The following DCLK1 variants were observed in gnomAD, a reference collection of about 807,000 sequenced individuals.
DCLK1 encodes doublecortin like kinase 1.
In DCLK1, 16 loss-of-function variants were observed where a neutral mutation model predicts 86.2. The observed-to-expected ratio is 0.19, with a 90% CI of 0.13 to 0.28. The LOEUF is 0.28. Among genes scored for constraint, DCLK1 ranks in the 10% least tolerant of loss-of-function variants. DCLK1 has a pLI of 1.00. For missense variants in DCLK1, 590 were observed against 940.2 expected (o/e 0.63, Z 4.87); for synonymous variants, 369 against 370.5 (o/e 1.00, Z 0.05).
chr13:35,886,514 A>C (rs1447365097), intron 4 of DCLK1, among the ~76,000 whole-genome samples: 1 of 152,196 alleles, frequency 6.6e-6, no homozygotes. Flanking sequence ...TTGCACAAGC[A>C]ATGCCACTTT....
intron 16 of DCLK1, among the ~76,000 whole-genome samples, chr13:35,789,309 C>G (rs990781095): frequency 1.3e-5 from 2 of 152,188 alleles, no homozygotes; most frequent in Non-Finnish European, 2.9e-5. Flanking sequence ...GGCATTTAAA[C>G]TAAAAACTGC....
chr13:35,829,824 C>T (rs1207094511), intron 8 of DCLK1, among the ~76,000 whole-genome samples: 1 of 152,146 alleles, frequency 6.6e-6, no homozygotes, highest in East Asian at 1.9e-4. Context: ...TGCAGATATG[C>T]GGCTGTCCAG....
chr13:35,817,370 T>C (rs959473177), intron 11 of DCLK1, among the ~76,000 whole-genome samples: 1 of 151,814 alleles, frequency 6.6e-6, no homozygotes, highest in African/African-American at 2.4e-5. Context: ...ATTCAGAGAG[T>C]AGAATTTTTT....
intron 4 of DCLK1, among the ~76,000 whole-genome samples, chr13:35,898,098 G>C (rs951656925): frequency 8.5e-5 from 13 of 152,102 alleles, no homozygotes; most frequent in Non-Finnish European, 1.6e-4. Flanking sequence ...TTTGAGTTTG[G>C]TTTTCTTTGA....
intron 5 of DCLK1, among the ~76,000 whole-genome samples, chr13:35,864,069 C>T (rs1187299412): frequency 6.6e-6 from 1 of 152,142 alleles, no homozygotes. Context: ...CGTTGCCGGT[C>T]CACTATAGAT....
chr13:36,029,135 G>A (rs544986010), intron 3 of DCLK1, among the ~76,000 whole-genome samples: 22 of 152,214 alleles, frequency 1.4e-4, no homozygotes, highest in East Asian at 3.9e-4. Flanking sequence ...ATTCTTGTGC[G>A]AGATTCAAGA....
At chr13:36,095,292 G>A (rs575776745) in intron 3 of DCLK1, among the ~76,000 whole-genome samples, 13 of 151,458 alleles carry the variant, frequency 8.6e-5, no homozygotes, top group Non-Finnish European at 1.6e-4. Context: ...TGCAACTTCC[G>A]CTTCCCAGGT....
chr13:35,872,956 G>GT (rs1344650349), intron 4 of DCLK1, among the ~76,000 whole-genome samples: 4 of 152,084 alleles, frequency 2.6e-5, no homozygotes, highest in African/African-American at 9.7e-5. Context: ...AATCAAAACT[G>GT]TTTTTCTAAA....
At chr13:36,116,142 A>C (rs1474327868) in intron 2 of DCLK1, among the ~76,000 whole-genome samples, 1 of 151,560 alleles carries the variant, frequency 6.6e-6, no homozygotes, top group Admixed American at 6.6e-5. Context: ...TAGAGACAGG[A>C]TTTCATCATG....
At chr13:35,806,761 C>T (rs1873199648) in intron 14 of DCLK1, among the ~76,000 whole-genome samples, 1 of 152,180 alleles carries the variant, frequency 6.6e-6, no homozygotes, top group Non-Finnish European at 1.5e-5. Flanking sequence ...ACTGTGAGCC[C>T]TCAGATCCTG....
chr13:35,871,305 T>A lies in DCLK1; in HGVS notation c.859A>T (p.Ile287Leu). 1 of 1,613,952 alleles carries A rather than the reference T, an allele frequency of 6.2e-7. No homozygotes were observed. The highest frequency in any genetic ancestry group is 1.1e-5 in the South Asian group (1 of 91,056). Reference protein sequence around the residue: ...RVVKSTSYTKIASSSRRSTTK... With the variant: ...RVVKSTSYTKLASSSRRSTTK... Reference sequence around the variant, plus strand: ...GTGCTCCTGCGGGATGATGAAGCTATTTTGGTGTAAGAAGTGGACTTTACC... The same window carrying A: ...GTGCTCCTGCGGGATGATGAAGCTAATTTGGTGTAAGAAGTGGACTTTACC... Residue 287 changes from isoleucine (I) to leucine (L), a missense_variant, in exon 5 of 17, where the codon ATA (isoleucine) becomes TTA (leucine). By Grantham distance (5) the Ile-to-Leu change is conservative. This residue lies in a region of DCLK1 where 195 missense variants were observed against 365.1 expected (regional missense o/e 0.53). Coordinates refer to ENST00000360631, the MANE Select transcript of DCLK1 (RefSeq NM_001330071.2).
chr13:36,070,858 GTCTC>G (rs752115547), intron 3 of DCLK1, among the ~76,000 whole-genome samples: 5 of 151,968 alleles, frequency 3.3e-5, no homozygotes, highest in Non-Finnish European at 7.4e-5. Context: ...GGCCAGGATG[GTCTC>G]TCTAACTCCT....
In DCLK1 at chr13:35,838,971, T is replaced by G. The variant is rs7317101; in HGVS notation, c.1120+121A>C. 7,883 of 837,240 alleles carry G rather than the reference T, an allele frequency of 9.4e-3. 396 individuals carry two copies. In the African/African-American group the frequency reaches 0.12, roughly 12 times the overall value. The allele number at this position is 837,240 out of a possible 1,614,324, so 51.9% of individuals were successfully genotyped here. A position where few individuals can be genotyped will look rare whatever the true frequency, so the allele number is the denominator to read the frequency against. On this transcript the variant is annotated intron_variant, in intron 7 of 16. Transcript: ENST00000360631. Reference sequence around the variant, plus strand: ...ATATTCAACCCTATCCCCTTGTGATTGACCCTCAGGAGCTGCTCAGCCTTG... The same window carrying G: ...ATATTCAACCCTATCCCCTTGTGATGGACCCTCAGGAGCTGCTCAGCCTTG...
chr13:36,075,360 G>T (rs1460314711), intron 3 of DCLK1, among the ~76,000 whole-genome samples: 1 of 152,094 alleles, frequency 6.6e-6, no homozygotes, highest in Non-Finnish European at 1.5e-5. Context: ...TATCACGCAG[G>T]GGGTAATAGA....
intron 3 of DCLK1, among the ~76,000 whole-genome samples, chr13:36,007,072 A>G (rs906861782): frequency 8.5e-5 from 13 of 152,292 alleles, no homozygotes; most frequent in Admixed American, 1.3e-4. Context: ...TGTGCATGCG[A>G]GGAGAGTGTG....
intron 3 of DCLK1, among the ~76,000 whole-genome samples, chr13:36,000,759 T>A (rs1342432669): frequency 6.6e-6 from 1 of 152,122 alleles, no homozygotes; most frequent in Non-Finnish European, 1.5e-5. Flanking sequence ...ACCCTGAATA[T>A]GTTCCAATGT....
At chr13:36,045,140 G>A (rs1012195455) in intron 3 of DCLK1, among the ~76,000 whole-genome samples, 1 of 150,280 alleles carries the variant, frequency 6.7e-6, no homozygotes. Context: ...TTGAAAAAAT[G>A]TTTATAGTGA....
At chr13:36,131,406 C>CT (rs1886359171), upstream of DCLK1, 6 of 194,232 alleles carry the variant, frequency 3.1e-5, no homozygotes, top group South Asian at 5.2e-4. Flanking sequence ...GGCGCGCTCC[C>CT]TTTTCTTGTC....
chr13:36,100,308 G>A (rs572284703), intron 3 of DCLK1, among the ~76,000 whole-genome samples: 2 of 152,060 alleles, frequency 1.3e-5, no homozygotes, highest in East Asian at 1.9e-4. Context: ...GGGCCCAGGA[G>A]GTGGAGGCTG....
Sources: allele counts gnomAD v4.1 joint callset (sites outside exome capture counted in the v4.1 genomes callset), GRCh38; gene constraint gnomAD v4.1.1; regional missense constraint gnomAD v4.1.1; transcripts MANE v1.5; gene names NCBI Gene and HGNC (gene_info 2026-07-23, HGNC 2026-07-21).